The following RAB3C variants were observed in gnomAD, a reference collection of about 807,000 sequenced individuals.
The protein encoded by RAB3C is RAB3C, member RAS oncogene family.
Under a neutral mutation model 26.4 loss-of-function variants are expected in RAB3C, and 17 were observed. The ratio of observed to expected loss-of-function variants is 0.64; its 90% CI spans 0.44 to 0.97. The LOEUF (loss-of-function observed/expected upper bound fraction) is 0.97, where lower values mean the gene tolerates loss of function less well. Among genes scored for constraint, RAB3C ranks in the 50% least tolerant of loss-of-function variants. RAB3C has a pLI of 0.00. For missense variants in RAB3C, 242 were observed against 281.9 expected, an observed-to-expected ratio of 0.86 and a Z score of 1.01; for synonymous variants, 91 against 95.9, an observed-to-expected ratio of 0.95 and a Z score of 0.30.
intron 2 of RAB3C, among the ~76,000 whole-genome samples, chr5:58,713,964 C>T (rs147561351): frequency 6.8e-4 from 103 of 152,208 alleles, no homozygotes; most frequent in Non-Finnish European, 1.2e-3. Flanking sequence ...TAATAATCCT[C>T]AAAATTGGGA....
chr5:58,752,727 C>G (rs1554051065), intron 3 of RAB3C, among the ~76,000 whole-genome samples: 1 of 151,996 alleles, frequency 6.6e-6, no homozygotes, highest in Non-Finnish European at 1.5e-5. Flanking sequence ...ATCTGAATTT[C>G]CTTTACTTTG....
intron 4 of RAB3C, among the ~76,000 whole-genome samples, chr5:58,848,071 G>T (rs1034593809): frequency 6.6e-6 from 1 of 152,124 alleles, no homozygotes; most frequent in African/African-American, 2.4e-5. Context: ...TGGCCAGGCT[G>T]GTCTCGAACT....
At chr5:58,658,209 A>G (rs549204738) in intron 2 of RAB3C, among the ~76,000 whole-genome samples, 1 of 152,346 alleles carries the variant, frequency 6.6e-6, no homozygotes, top group East Asian at 1.9e-4. Context: ...CCTAACTTAT[A>G]GTAGGACAGA....
intron 2 of RAB3C, among the ~76,000 whole-genome samples, chr5:58,654,188 G>A (rs1747715132): frequency 6.6e-6 from 1 of 152,034 alleles, no homozygotes; most frequent in Non-Finnish European, 1.5e-5. Flanking sequence ...AGCATTCTTA[G>A]GTCCACTACT....
chr5:58,748,016 G>A (rs1297917272), intron 3 of RAB3C, among the ~76,000 whole-genome samples: 1 of 152,136 alleles, frequency 6.6e-6, no homozygotes, highest in Non-Finnish European at 1.5e-5. Flanking sequence ...GAGATCTGCT[G>A]TATGAATGGC....
intron 3 of RAB3C, among the ~76,000 whole-genome samples, chr5:58,734,789 G>T (rs1468946715): frequency 6.6e-6 from 1 of 152,078 alleles, no homozygotes; most frequent in East Asian, 1.9e-4. Context: ...TATATCTTGG[G>T]TCTGATTTCA....
chr5:58,804,138 A>T (rs1742880166), intron 3 of RAB3C, among the ~76,000 whole-genome samples: 1 of 151,954 alleles, frequency 6.6e-6, no homozygotes. Flanking sequence ...CTTTATCTGT[A>T]GGTAGATTTA....
intron 3 of RAB3C, among the ~76,000 whole-genome samples, chr5:58,816,057 T>C (rs1381050647): frequency 5.3e-5 from 8 of 152,132 alleles, no homozygotes; most frequent in Admixed American, 5.2e-4. Context: ...GAAAAAAGGA[T>C]GAAATTATTT....
At chr5:58,814,836 G>A (rs1215173882) in intron 3 of RAB3C, 5 of 152,194 alleles carry the variant, frequency 3.3e-5, no homozygotes, top group Non-Finnish European at 1.5e-5. Context: ...TAGGAGATCA[G>A]AAGTTGTAAG....
rs1039090232 is a variant in RAB3C at position 58,693,660 on chromosome 5, G to T, written c.253-32342G>T. Among the ~76,000 whole-genome samples, 10 of 152,010 alleles carry T rather than the reference G, an allele frequency of 6.6e-5. 1 individual carries two copies. Among genetic ancestry groups the T allele is most frequent in the South Asian group, 4.2e-4 (2 of 4,806 alleles). On this transcript the variant is annotated intron_variant, in intron 2 of 4. Coordinates refer to ENST00000282878, the MANE Select transcript of RAB3C (RefSeq NM_138453.4). ...TACCATAGATGGTCCAACATAAATC[G>T]CCCCACACATTCCTCTATTAAACTC...
rs868270289 is a variant in RAB3C, at chr5:58,592,804, T to C, written c.24+9572T>C. 2.6e-5 allele frequency among the ~76,000 whole-genome samples: 4 copies of C among 152,264 alleles called. No individual in the cohort carries two copies. In the South Asian group the frequency reaches 8.3e-4, roughly 32 times the overall value. On this transcript the variant is annotated intron_variant, in intron 1 of 4. Transcript: ENST00000282878. ...TATTATTGTGCCCTTGTATGTAATGTCATTTTTTTCATCTGACTGTTTTCA... is the reference window on the plus strand; with the variant it reads ...TATTATTGTGCCCTTGTATGTAATGCCATTTTTTTCATCTGACTGTTTTCA...
intron 4 of RAB3C, among the ~76,000 whole-genome samples, chr5:58,834,871 C>T (rs1251536769): frequency 6.6e-6 from 1 of 152,146 alleles, no homozygotes; most frequent in Non-Finnish European, 1.5e-5. Context: ...TCCTGTTAAC[C>T]TGATCTTTAT....
chr5:58,831,362 A>T (rs778035974), intron 4 of RAB3C, among the ~76,000 whole-genome samples: 9 of 152,254 alleles, frequency 5.9e-5, no homozygotes, highest in Non-Finnish European at 8.8e-5. Flanking sequence ...AATTATCCTA[A>T]ATCAACCATA....
intron 4 of RAB3C, among the ~76,000 whole-genome samples, chr5:58,843,182 T>C (rs1743913878): frequency 6.6e-6 from 1 of 152,232 alleles, no homozygotes; most frequent in African/African-American, 2.4e-5. Context: ...ACTTAATAAA[T>C]GTTAGTTACA....
intron 4 of RAB3C, among the ~76,000 whole-genome samples, chr5:58,844,535 CCA>C (rs1743946027): frequency 1.3e-5 from 2 of 152,184 alleles, no homozygotes; most frequent in South Asian, 4.1e-4. Flanking sequence ...AGCTAATATG[CCA>C]GTTTGTCCTG....
intron 2 of RAB3C, among the ~76,000 whole-genome samples, chr5:58,705,368 T>C (rs1748923571): frequency 6.6e-6 from 1 of 152,176 alleles, no homozygotes; most frequent in South Asian, 2.1e-4. Flanking sequence ...AACTAGATTC[T>C]TCTGTCTTAT....
At chr5:58,725,958 T>C (rs1214910803) in intron 2 of RAB3C, 44 bp from the exon 3 acceptor site, 1 of 1,140,692 alleles carries the variant, frequency 8.8e-7, no homozygotes, top group African/African-American at 1.6e-5. Context: ...CAAAAATGTA[T>C]TGCCTTATTT....
chr5:58,810,378 T>TCG (rs1743044918), intron 3 of RAB3C, among the ~76,000 whole-genome samples: 4 of 150,238 alleles, frequency 2.7e-5, no homozygotes, highest in African/African-American at 9.9e-5. Flanking sequence ...TCTCTCTCTC[T>TCG]CTCTCTCTGT....
intron 3 of RAB3C, among the ~76,000 whole-genome samples, chr5:58,747,580 AT>A (rs977686104): frequency 1.7e-4 from 26 of 152,066 alleles, no homozygotes; most frequent in African/African-American, 6.0e-4. Flanking sequence ...AATATTTATT[AT>A]TTCTGGCAAA....
Sources: allele counts gnomAD v4.1 joint callset (sites outside exome capture counted in the v4.1 genomes callset), GRCh38; gene constraint gnomAD v4.1.1; transcripts MANE v1.5; gene names NCBI Gene and HGNC (gene_info 2026-07-23, HGNC 2026-07-21).